Variants in SNTB1 observed in about 807,000 individuals in gnomAD.
SNTB1 encodes the protein syntrophin beta 1, also known as beta-1-syntrophin.
A neutral mutation model predicts 48.9 loss-of-function variants in SNTB1; 36 were observed. That is an observed-to-expected ratio of 0.74 (90% CI 0.56 to 0.97). The LOEUF (loss-of-function observed/expected upper bound fraction) is 0.97. Ranked by LOEUF, SNTB1 falls within the 50% of genes least tolerant of loss-of-function variation. The pLI is 0.00. For synonymous variants in SNTB1, 299 were observed against 294.6 expected (o/e 1.01, Z -0.15); for missense variants, 786 against 703.4 (o/e 1.12, Z -1.33).
chr8:120,791,399 A>G (rs1312635532), intron 1 of SNTB1, among the ~76,000 whole-genome samples: 3 of 152,082 alleles, frequency 2.0e-5, no homozygotes, highest in Non-Finnish European at 4.4e-5. Flanking sequence ...CAAAGAATTT[A>G]TGACTAAAAC....
chr8:120,661,171 G>T (rs928232772), intron 2 of SNTB1, among the ~76,000 whole-genome samples: 22 of 151,708 alleles, frequency 1.5e-4, no homozygotes, highest in African/African-American at 5.3e-4. Context: ...CTCAAGGCAG[G>T]GTTGTCACAA....
At chr8:120,756,343 A>C (rs549713220) in intron 1 of SNTB1, among the ~76,000 whole-genome samples, 1 of 152,108 alleles carries the variant, frequency 6.6e-6, no homozygotes, top group Non-Finnish European at 1.5e-5. Context: ...CAATGGATGG[A>C]TGGACAGGTG....
intron 3 of SNTB1, among the ~76,000 whole-genome samples, chr8:120,601,254 G>A (rs1816417591): frequency 6.6e-6 from 1 of 151,960 alleles, no homozygotes; most frequent in African/African-American, 2.4e-5. Flanking sequence ...CAGCATAGGG[G>A]GAGGGGAGGT....
intron 1 of SNTB1, among the ~76,000 whole-genome samples, chr8:120,745,783 G>A (rs1819116036): frequency 6.6e-6 from 1 of 152,098 alleles, no homozygotes; most frequent in South Asian, 2.1e-4. Context: ...ATCCTTAACA[G>A]CTGCCATGAC....
intron 1 of SNTB1, among the ~76,000 whole-genome samples, chr8:120,764,356 G>A (rs185542927): frequency 7.9e-5 from 12 of 152,114 alleles, no homozygotes; most frequent in African/African-American, 2.7e-4. Context: ...TGTCTGATAC[G>A]GTCTCATTTG....
intron 1 of SNTB1, among the ~76,000 whole-genome samples, chr8:120,745,395 C>T (rs79855407): frequency 0.078 from 11,824 of 152,068 alleles, 458 homozygotes; most frequent in Admixed American, 0.1. Flanking sequence ...CCGATATAGC[C>T]CCATCCTACA....
intron 1 of SNTB1, among the ~76,000 whole-genome samples, chr8:120,746,229 C>A (rs1819123393): frequency 6.6e-6 from 1 of 152,060 alleles, no homozygotes. Flanking sequence ...AGGATGAAGA[C>A]CTGTATGATG....
chr8:120,619,576 T>A lies in SNTB1; in HGVS notation c.996+12868A>T, dbSNP rs182630855. 9.8e-5 allele frequency among the ~76,000 whole-genome samples: 15 copies of A among 152,332 alleles called. No individual in the cohort carries two copies. In the East Asian group the frequency reaches 2.7e-3, roughly 27 times the overall value. On this transcript the variant is annotated intron_variant, in intron 3 of 6. Transcript: ENST00000517992. ...TCTTTGGAAACCCCATTTCACACAG[T>A]GCATTCTGCCTCCCTAATTTTGTCA... is the stretch of plus-strand genomic sequence containing the variant.
At chr8:120,558,210 T>C (rs773546099) in intron 4 of SNTB1, among the ~76,000 whole-genome samples, 8 of 152,244 alleles carry the variant, frequency 5.3e-5, no homozygotes, top group Non-Finnish European at 1.0e-4. Flanking sequence ...TCAATTAATT[T>C]ACATTTTAAG....
At chr8:120,770,221 T>C (rs932523823) in intron 1 of SNTB1, among the ~76,000 whole-genome samples, 1 of 152,106 alleles carries the variant, frequency 6.6e-6, no homozygotes, top group Non-Finnish European at 1.5e-5. Flanking sequence ...GCCAGGTGGC[T>C]TTTCCTCCCA....
intron 4 of SNTB1, among the ~76,000 whole-genome samples, chr8:120,556,246 C>A (rs959501706): frequency 7.2e-5 from 11 of 152,262 alleles, no homozygotes; most frequent in South Asian, 4.1e-4. Context: ...TCGGAACCCG[C>A]TTCTGGTAGA....
chr8:120,658,689 G>T (rs890904404), intron 2 of SNTB1, among the ~76,000 whole-genome samples: 13 of 152,208 alleles, frequency 8.5e-5, no homozygotes, highest in African/African-American at 2.9e-4. Context: ...TGAGCGAGTT[G>T]TAATCTTTTT....
chr8:120,781,825 G>A (rs1449739572), intron 1 of SNTB1, among the ~76,000 whole-genome samples: 1 of 152,216 alleles, frequency 6.6e-6, no homozygotes, highest in East Asian at 1.9e-4. Flanking sequence ...AGTCCTAGAA[G>A]CTGGGGCATG....
chr8:120,792,609 T>C (rs1337796066), intron 1 of SNTB1, among the ~76,000 whole-genome samples: 1 of 152,070 alleles, frequency 6.6e-6, no homozygotes, highest in East Asian at 1.9e-4. Context: ...GCAAGTCCTA[T>C]ATTTTACAGT....
Position 120,811,326 on chromosome 8 carries a change from T to C in SNTB1, c.518A>G (p.His173Arg). 6.2e-7 allele frequency: 1 copy of C among 1,611,476 alleles called. No individual in the cohort carries two copies. The highest frequency in any genetic ancestry group is 1.1e-5 in the South Asian group (1 of 91,044). ...VNGADLRDAT[H>R]DEAVQALKRA... Reference sequence around the variant, plus strand: ...CTTCAACGCCTGCACCGCCTCGTCGTGGGTGGCGTCCCGCAGGTCGGCTCC... The same window carrying C: ...CTTCAACGCCTGCACCGCCTCGTCGCGGGTGGCGTCCCGCAGGTCGGCTCC... Residue 173 changes from histidine (H) to arginine (R), a missense_variant, in exon 1 of 7, where the codon CAC (histidine) becomes CGC (arginine). Coordinates refer to ENST00000517992, the MANE Select transcript of SNTB1 (RefSeq NM_021021.4).
intron 1 of SNTB1, among the ~76,000 whole-genome samples, chr8:120,767,900 A>G (rs1474482500): frequency 5.3e-5 from 8 of 152,212 alleles, no homozygotes; most frequent in African/African-American, 1.9e-4. Context: ...TAATTCCTAA[A>G]TGATGATTCT....
intron 1 of SNTB1, among the ~76,000 whole-genome samples, chr8:120,712,467 G>T (rs892618550): frequency 3.3e-5 from 5 of 150,238 alleles, no homozygotes; most frequent in Admixed American, 6.7e-5. Flanking sequence ...TATAGTGAAT[G>T]AGGTACACAC....
At chr8:120,693,629 C>T (rs1372986619) in intron 2 of SNTB1, 63 bp downstream of exon 2, 1 of 1,399,332 alleles carries the variant, frequency 7.1e-7, no homozygotes, top group African/African-American at 1.4e-5. Context: ...TCGTGAAAGC[C>T]CCCATTTAGC....
chr8:120,632,619 T>C lies in SNTB1; in HGVS notation c.821A>G (p.His274Arg), dbSNP rs1817003829. ...QLEIHSPDAK[H>R]TVILRSKDSA... ...GTCCTTGCTCCTTAGGATCACCGTG[T>C]GCTTAGCATCTGGAGAGTGGATTTC... The change falls in exon 3 of 7, where the codon CAC becomes CGC. Residue 274 changes from histidine (H) to arginine (R), a missense_variant. By Grantham distance (29) the His-to-Arg change is conservative. Coordinates refer to ENST00000517992, the MANE Select transcript of SNTB1 (RefSeq NM_021021.4). 2 of 1,614,038 alleles carry C rather than the reference T, an allele frequency of 1.2e-6. No homozygotes were observed. Among genetic ancestry groups the C allele is most frequent in the Non-Finnish European group, 1.7e-6 (2 of 1,180,032 alleles).
Sources: gnomAD v4.1 joint callset for allele counts (sites outside exome capture counted in the v4.1 genomes callset) on GRCh38, gnomAD v4.1.1 for gene constraint, MANE v1.5 for transcripts, NCBI Gene and HGNC (gene_info 2026-07-23, HGNC 2026-07-21) for gene names.